LIPK: variants seen among roughly 807,000 people sequenced by gnomAD.
LIPK encodes lipase member K.
A neutral mutation model predicts 48.6 loss-of-function variants in LIPK; 32 were observed. That is an observed-to-expected ratio of 0.66 (90% CI 0.50 to 0.88). LIPK has a LOEUF of 0.88. Among genes scored for constraint, LIPK ranks in the 40% least tolerant of loss-of-function variants. LIPK has a pLI of 0.00. For synonymous variants in LIPK, 164 were observed against 157.4 expected, an observed-to-expected ratio of 1.04 and a Z score of -0.32; for missense variants, 507 against 478.5, an observed-to-expected ratio of 1.06 and a Z score of -0.56.
intron 6 of LIPK, among the ~76,000 whole-genome samples, chr10:88,736,432 A>G (rs1350617383): frequency 1.3e-5 from 2 of 152,198 alleles, no homozygotes; most frequent in South Asian, 2.1e-4. Flanking sequence ...TGTCCCCATA[A>G]TAATTTAATA....
chr10:88,707,877 C>G (rs965248784), intron 1 of LIPK, among the ~76,000 whole-genome samples: 1 of 152,090 alleles, frequency 6.6e-6, no homozygotes, highest in African/African-American at 2.4e-5. Flanking sequence ...AACCTGACCA[C>G]TAATAGTTGT....
intron 1 of LIPK, among the ~76,000 whole-genome samples, chr10:88,719,023 A>C (rs1842172016): frequency 6.6e-6 from 1 of 152,132 alleles, no homozygotes; most frequent in Non-Finnish European, 1.5e-5. Context: ...ATAAATACGA[A>C]GTATTTGTAT....
chr10:88,706,450 G>C (rs370956581), intron 1 of LIPK, among the ~76,000 whole-genome samples, 130 bp downstream of exon 1: 1 of 152,176 alleles, frequency 6.6e-6, no homozygotes, highest in Admixed American at 6.6e-5. Flanking sequence ...GGTTAAGCAA[G>C]ATACAGCAAG....
chr10:88,722,924 G>A (rs1019294888), intron 1 of LIPK, among the ~76,000 whole-genome samples: 6 of 108,316 alleles, frequency 5.5e-5, no homozygotes, highest in Non-Finnish European at 1.0e-4. Context: ...CTCTGTCACC[G>A]AGGCTGGCGT....
At chr10:88,707,039 AC>A (rs1424686259) in intron 1 of LIPK, among the ~76,000 whole-genome samples, 2 of 152,194 alleles carry the variant, frequency 1.3e-5, no homozygotes, top group African/African-American at 4.8e-5. Flanking sequence ...TTCCCTCTAG[AC>A]ATAGAGAGAT....
chr10:88,710,173 A>C (rs1380176353), intron 1 of LIPK, among the ~76,000 whole-genome samples: 1 of 152,110 alleles, frequency 6.6e-6, no homozygotes, highest in Admixed American at 6.6e-5. Context: ...TTGTAATTGA[A>C]AACATGTTTT....
rs151235824 is a variant in LIPK at position 88,752,679 on chromosome 10, T to C, written c.1123T>C (p.Phe375Leu). The C allele has an allele frequency of 5.7e-6, 9 of 1,578,038 alleles. No homozygotes were observed. In the African/African-American group the frequency reaches 1.2e-4, roughly 21 times the overall value. Residue 375 changes from phenylalanine (F) to leucine (L), a missense_variant, in exon 10 of 10, where the codon TTT becomes CTT. Physicochemically the swap from Phe to Leu is conservative, Grantham distance 22. Transcript: ENST00000404190. ...GATTCCACACTACAATCATGTGGAT[T>C]TTTACCTTGGAGAGGATGCACCTCA... ...KLIPHYNHVD[F>L]YLGEDAPQEI...
At position 88,740,044 on chromosome 10, in the gene LIPK, C is replaced by T; in HGVS notation, c.865C>T (p.Gln289Ter). 6.3e-7 allele frequency: 1 copy of T among 1,579,966 alleles called. No individual in the cohort carries two copies. Among genetic ancestry groups the T allele is most frequent in the South Asian group, 1.1e-5 (1 of 90,512 alleles). ...ACACAATCCTGCGGGAACATCTGTT[C>T]AGAATATGCTGCACTGGGCTCAGGT... ...LSHNPAGTSV[Q>*]NMLHWAQAVN... Residue 289 changes from glutamine to a stop codon, truncating the protein, a stop_gained, in exon 8 of 10, where the codon CAG (glutamine) becomes TAG (stop). Coordinates refer to ENST00000404190, the MANE Select transcript of LIPK (RefSeq NM_001080518.2). LOFTEE classifies it high-confidence loss of function.
chr10:88,730,977 T>C lies in LIPK; in HGVS notation c.224-6T>C. On this transcript the variant is annotated splice_region_variant and splice_polypyrimidine_tract_variant and intron_variant, in intron 3 of 9. Transcript: ENST00000404190. Reference sequence around the variant, plus strand: ...ATATGAAATTCTTGTTGCCTGTGTTTTGCAGCTCCAAAGCCTGCTGTGTAT... The same window carrying C: ...ATATGAAATTCTTGTTGCCTGTGTTCTGCAGCTCCAAAGCCTGCTGTGTAT... The C allele has an allele frequency of 1.3e-6, 2 of 1,557,440 alleles. No individual in the cohort carries two copies. The highest frequency in any genetic ancestry group is 1.7e-6 in the Non-Finnish European group (2 of 1,154,672).
intron 6 of LIPK, 60 bp from the exon 7 acceptor site, chr10:88,737,575 T>C: frequency 6.4e-7 from 1 of 1,570,020 alleles, no homozygotes. Flanking sequence ...GAACTATCTC[T>C]TTCTCCACTT....
chr10:88,714,194 T>A (rs1677275368), intron 1 of LIPK, among the ~76,000 whole-genome samples: 1 of 152,146 alleles, frequency 6.6e-6, no homozygotes, highest in Admixed American at 6.6e-5. Flanking sequence ...AATTCCTTCA[T>A]CTGATTGAGT....
intron 9 of LIPK, among the ~76,000 whole-genome samples, chr10:88,747,515 A>G (rs1216182952): frequency 6.6e-6 from 1 of 152,162 alleles, no homozygotes; most frequent in South Asian, 2.1e-4. Context: ...AAAAACAAAA[A>G]TCACAAGATT....
chr10:88,747,857 C>T (rs1047128682), intron 9 of LIPK, among the ~76,000 whole-genome samples: 7 of 152,130 alleles, frequency 4.6e-5, no homozygotes, highest in African/African-American at 1.7e-4. Flanking sequence ...GGCTATTCCT[C>T]AAGGATCTAG....
Position 88,752,698 on chromosome 10 carries a change from C to T in LIPK, c.1142C>T (p.Ala381Val). 6.4e-7 allele frequency: 1 copy of T among 1,572,720 alleles called. No homozygotes were observed. The change falls in exon 10 of 10, where the codon GCA (alanine) becomes GTA (valine). Residue 381 changes from alanine (A) to valine (V), a missense_variant. By Grantham distance (64) the Ala-to-Val change is moderately conservative. Transcript: ENST00000404190. ...NHVDFYLGEDAPQEIYQDLII... is the reference protein window; with the variant it reads ...NHVDFYLGEDVPQEIYQDLII... ...GTGGATTTTTACCTTGGAGAGGATG[C>T]ACCTCAGGAAATTTACCAAGACCTA...
At chr10:88,740,389 G>A (rs2134769196) in intron 8 of LIPK, among the ~76,000 whole-genome samples, 1 of 152,240 alleles carries the variant, frequency 6.6e-6, no homozygotes, top group Non-Finnish European at 1.5e-5. Flanking sequence ...ATAAAATGAT[G>A]CATCTTATTC....
Position 88,730,978 on chromosome 10 carries a change from T to C in LIPK, c.224-5T>C. The C allele has an allele frequency of 6.4e-7, 1 of 1,558,208 alleles. No individual in the cohort carries two copies. Among genetic ancestry groups the C allele is most frequent in the South Asian group, 1.2e-5 (1 of 81,432 alleles). On this transcript the variant is annotated splice_region_variant and splice_polypyrimidine_tract_variant and intron_variant, in intron 3 of 9. Coordinates refer to ENST00000404190, the MANE Select transcript of LIPK (RefSeq NM_001080518.2). ...TATGAAATTCTTGTTGCCTGTGTTT[T>C]GCAGCTCCAAAGCCTGCTGTGTATT...
At chr10:88,707,310 G>T (rs866514) in intron 1 of LIPK, among the ~76,000 whole-genome samples, 118,998 of 151,940 alleles carry the variant, frequency 0.78, 47,543 homozygotes, top group East Asian at 1. Context: ...ACTCTAAAAT[G>T]ACTTGGTTTC....
At chr10:88,737,280 T>C (rs916550397) in intron 6 of LIPK, among the ~76,000 whole-genome samples, 2 of 152,194 alleles carry the variant, frequency 1.3e-5, no homozygotes, top group Non-Finnish European at 1.5e-5. Flanking sequence ...TTTTCCATTT[T>C]ATAGATGAGA....
chr10:88,707,021 G>T (rs1003558439), intron 1 of LIPK, among the ~76,000 whole-genome samples: 2 of 152,058 alleles, frequency 1.3e-5, no homozygotes, highest in Non-Finnish European at 2.9e-5. Context: ...CAACTGGATG[G>T]ACTAATATTC....
Sources: gnomAD v4.1 joint callset for allele counts (sites outside exome capture counted in the v4.1 genomes callset) on GRCh38, gnomAD v4.1.1 for gene constraint, MANE v1.5 for transcripts, NCBI Gene and HGNC (gene_info 2026-07-23, HGNC 2026-07-21) for gene names.